PCDH15: variants seen among roughly 807,000 people sequenced by gnomAD.
The protein encoded by PCDH15 is protocadherin-15.
A neutral mutation model predicts 178.5 loss-of-function variants in PCDH15; 129 were observed. The observed-to-expected ratio is 0.72, with a 90% confidence interval of 0.63 to 0.84. PCDH15 has a LOEUF of 0.84. Ranked by LOEUF, PCDH15 falls within the 40% of genes least tolerant of loss-of-function variation. PCDH15 has a pLI of 0.00. For synonymous variants in PCDH15, 800 were observed against 732.0 expected (o/e 1.09, Z -1.50); for missense variants, 2,230 against 2,099.9 (o/e 1.06, Z -1.21).
chr10:53,886,091 G>T (rs1032054947), intron 26 of PCDH15, among the ~76,000 whole-genome samples: 5 of 151,890 alleles, frequency 3.3e-5, no homozygotes, highest in Admixed American at 6.6e-5. Context: ...TCATCTTACA[G>T]GGAAAAAGAA....
chr10:54,462,680 ATTTTTTTTTTTTTTTTTTTTTTTTTTTTT>A (rs767750465), intron 3 of PCDH15, among the ~76,000 whole-genome samples: 1 of 56,234 alleles, frequency 1.8e-5, no homozygotes, highest in Non-Finnish European at 3.1e-5. Context: ...CACCTGCTTA[ATTTTTTTTTTTTTTTTTTTTTTTTTTTTT>A]TTAAGTAGAG....
At chr10:55,409,539 C>T (rs1218555146) in intron 2 of PCDH15, among the ~76,000 whole-genome samples, 10 of 152,210 alleles carry the variant, frequency 6.6e-5, no homozygotes, top group East Asian at 1.9e-4. Context: ...CTATTCAACA[C>T]GCCAGCCAAA....
intron 15 of PCDH15, among the ~76,000 whole-genome samples, chr10:54,090,664 T>C (rs1045740895): frequency 3.5e-5 from 5 of 142,812 alleles, no homozygotes; most frequent in Non-Finnish European, 7.6e-5. Context: ...AAAAAAAAAG[T>C]GCTAAACTAT....
chr10:54,925,852 A>G (rs1025663427), intron 2 of PCDH15, among the ~76,000 whole-genome samples: 1 of 152,084 alleles, frequency 6.6e-6, no homozygotes, highest in South Asian at 2.1e-4. Flanking sequence ...AGCTGAGACT[A>G]TGCTATGGGG....
chr10:54,273,216 A>C (rs2132530054), intron 8 of PCDH15, among the ~76,000 whole-genome samples: 1 of 152,228 alleles, frequency 6.6e-6, no homozygotes, highest in African/African-American at 2.4e-5. Flanking sequence ...GTTATACTTT[A>C]TTTAGAACTT....
chr10:54,313,811 C>A (rs1002502894), intron 8 of PCDH15, among the ~76,000 whole-genome samples: 1 of 152,066 alleles, frequency 6.6e-6, no homozygotes, highest in African/African-American at 2.4e-5. Context: ...TAGCATTAAA[C>A]TGCATAGGAA....
intron 9 of PCDH15, among the ~76,000 whole-genome samples, chr10:54,232,951 G>A (rs2054231113): frequency 8.4e-6 from 1 of 119,338 alleles, no homozygotes; most frequent in Admixed American, 8.6e-5. Context: ...TTTTTAAAGA[G>A]AGTCACCTCC....
intron 3 of PCDH15, among the ~76,000 whole-genome samples, chr10:54,460,069 A>G (rs1190058204): frequency 6.6e-6 from 1 of 152,152 alleles, no homozygotes; most frequent in Non-Finnish European, 1.5e-5. Context: ...AAAAAAGGAG[A>G]AATAATACAG....
intron 20 of PCDH15, among the ~76,000 whole-genome samples, chr10:54,004,236 A>T (rs754206500): frequency 9.9e-5 from 15 of 152,126 alleles, no homozygotes; most frequent in Non-Finnish European, 2.1e-4. Flanking sequence ...CACAACCAGG[A>T]TGCCCACTAT....
intron 18 of PCDH15, among the ~76,000 whole-genome samples, chr10:54,047,761 A>G (rs2093685305): frequency 6.6e-6 from 1 of 152,018 alleles, no homozygotes; most frequent in Admixed American, 6.6e-5. Context: ...ATTTTTTATG[A>G]CTGTTTAGTA....
At chr10:54,006,245 A>G (rs997955660) in intron 20 of PCDH15, among the ~76,000 whole-genome samples, 10 of 152,180 alleles carry the variant, frequency 6.6e-5, no homozygotes, top group Non-Finnish European at 1.0e-4. Context: ...TTCTCCTGCT[A>G]TCACCAAGTT....
chr10:54,803,639 T>G (rs527287130), upstream of PCDH15, among the ~76,000 whole-genome samples: 1 of 152,326 alleles, frequency 6.6e-6, no homozygotes, highest in East Asian at 1.9e-4. Context: ...ACACTGCTCA[T>G]ACAGAGTGGT....
intron 1 of PCDH15, among the ~76,000 whole-genome samples, chr10:54,725,552 T>TA (rs1566049022): frequency 0.014 from 1,637 of 114,870 alleles, 43 homozygotes; most frequent in African/African-American, 0.041. Flanking sequence ...ATATATATAA[T>TA]TATATATATA....
chr10:54,193,961 G>T lies in PCDH15; in HGVS notation c.1305+1722C>A, dbSNP rs183807804. On this transcript the variant is annotated intron_variant, in intron 11 of 37. Transcript: ENST00000644397. ...AGATTTAAGGGAATTAATGCAAGAA[G>T]AATTTACTGTATTGTTTGACATGTA... 7.3e-5 allele frequency among the ~76,000 whole-genome samples: 11 copies of T among 150,268 alleles called. No individual in the cohort carries two copies. The East Asian group carries it at 1.8e-3, about 24-fold the overall frequency.
chr10:54,577,972 A>G (rs2133735997), intron 2 of PCDH15, among the ~76,000 whole-genome samples: 1 of 152,260 alleles, frequency 6.6e-6, no homozygotes, highest in East Asian at 1.9e-4. Context: ...GAATTAAGTT[A>G]AATGAATCGA....
chr10:54,003,038 G>A (rs373425068), intron 20 of PCDH15, among the ~76,000 whole-genome samples: 18 of 152,186 alleles, frequency 1.2e-4, no homozygotes, highest in African/African-American at 4.1e-4. Context: ...TTCATTCTTC[G>A]AAGTTAGCAA....
Position 55,574,175 on chromosome 10 carries a change from G to C in PCDH15, c.-156+53450C>G, listed in dbSNP as rs560564198. Among the ~76,000 whole-genome samples the C allele has an allele frequency of 5.3e-5, 8 of 152,040 alleles. No individual in the cohort carries two copies. The South Asian group carries it at 1.7e-3, about 31-fold the overall frequency. On this transcript the variant is annotated intron_variant, in intron 2 of 5. Transcript: ENST00000613346. ...CTGTCAAATGATTCCTTAGTCATGA[G>C]TTTTAGCAAGTTATAACTGGATAGT...
intron 3 of PCDH15, among the ~76,000 whole-genome samples, chr10:54,407,096 G>A (rs2135560321): frequency 6.6e-6 from 1 of 152,198 alleles, no homozygotes; most frequent in Non-Finnish European, 1.5e-5. Flanking sequence ...GAATGTGCAT[G>A]AATAAGTAAT....
At chr10:55,068,067 G>A (rs1841612705) in intron 2 of PCDH15, among the ~76,000 whole-genome samples, 1 of 151,970 alleles carries the variant, frequency 6.6e-6, no homozygotes. Flanking sequence ...GTTTGGCTGT[G>A]CAGAATCTTT....
Sources: allele counts gnomAD v4.1 joint callset (sites outside exome capture counted in the v4.1 genomes callset), GRCh38; gene constraint gnomAD v4.1.1; transcripts MANE v1.5; gene names NCBI Gene and HGNC (gene_info 2026-07-23, HGNC 2026-07-21).